Variants in NT5DC3 observed in about 807,000 individuals in gnomAD.
The protein encoded by NT5DC3 is 5'-nucleotidase domain-containing protein 3.
A neutral mutation model predicts 67.8 loss-of-function variants in NT5DC3; 42 were observed. The observed-to-expected ratio is 0.62, with a 90% confidence interval of 0.48 to 0.80. The LOEUF is 0.80. NT5DC3 is among the 30% of genes least tolerant of loss of function. NT5DC3 has a pLI of 0.00. For missense variants in NT5DC3, 570 were observed against 696.4 expected (o/e 0.82, Z 2.04); for synonymous variants, 237 against 255.6 (o/e 0.93, Z 0.69).
At chr12:103,798,507 T>A (rs1593403229) in intron 5 of NT5DC3, 80 bp downstream of exon 5, 2 of 922,078 alleles carry the variant, frequency 2.2e-6, no homozygotes, top group Non-Finnish European at 3.5e-6. Context: ...CAATTCCATA[T>A]AAGCAGTAGG....
At chr12:103,780,179 C>G in intron 13 of NT5DC3, 121 bp downstream of exon 13, 1 of 827,602 alleles carries the variant, frequency 1.2e-6, no homozygotes, top group Non-Finnish European at 2.1e-6. Flanking sequence ...GCAGACATAC[C>G]TGGGAGCTAA....
At chr12:103,836,840 G>A (rs1034660113) in intron 1 of NT5DC3, among the ~76,000 whole-genome samples, 3 of 152,166 alleles carry the variant, frequency 2.0e-5, no homozygotes, top group East Asian at 1.9e-4. Flanking sequence ...GGTGGGCGTC[G>A]AATGTCTGTC....
chr12:103,764,195 C>G, the NT5DC3 span, among the ~76,000 whole-genome samples: 2 of 152,068 alleles, frequency 1.3e-5, no homozygotes, highest in Admixed American at 6.5e-5. Context: ...TCAGGTGATA[C>G]GCCCACCTCG....
Position 103,777,804 on chromosome 12 carries a change from T to C in NT5DC3, c.*25A>G. 6.3e-7 allele frequency: 1 copy of C among 1,595,058 alleles called. No individual in the cohort carries two copies. Among genetic ancestry groups the C allele is most frequent in the East Asian group, 2.2e-5 (1 of 44,688 alleles). On this transcript the variant is annotated 3_prime_UTR_variant, in exon 14 of 14. Coordinates refer to ENST00000392876, the MANE Select transcript of NT5DC3 (RefSeq NM_001031701.3). ...TCATGCCTGCCCAATCAGGGGCAGT[T>C]ACAGTTTCTAGTTTTTGCCCTTGGC...
At chr12:103,767,663 A>G (rs1273346145), downstream of NT5DC3, among the ~76,000 whole-genome samples, 1 of 152,106 alleles carries the variant, frequency 6.6e-6, no homozygotes, top group Non-Finnish European at 1.5e-5. Context: ...CTGCCAAAGA[A>G]TGTTGAAGAT....
chr12:103,808,670 A>G (rs115223841), intron 2 of NT5DC3, among the ~76,000 whole-genome samples: 187 of 152,330 alleles, frequency 1.2e-3, no homozygotes, highest in African/African-American at 4.4e-3. Context: ...AAGAATTGAG[A>G]ACCCTGTGTA....
downstream of NT5DC3, chr12:103,766,183 G>T: frequency 6.8e-7 from 1 of 1,461,194 alleles, no homozygotes; most frequent in Non-Finnish European, 9.6e-7. Context: ...CGTGTTCACA[G>T]TGCTCAGGGA....
chr12:103,804,402 C>T (rs564373676), intron 4 of NT5DC3, among the ~76,000 whole-genome samples: 3 of 152,236 alleles, frequency 2.0e-5, no homozygotes, highest in East Asian at 3.9e-4. Flanking sequence ...CACAAGGAGG[C>T]ACCAGGAGGC....
downstream of NT5DC3, chr12:103,766,134 A>C (rs752094209): frequency 4.7e-6 from 5 of 1,065,830 alleles, no homozygotes; most frequent in South Asian, 6.7e-5. Flanking sequence ...CTGCCTCCCA[A>C]CACAAGGCAG....
Position 103,777,802 on chromosome 12 carries a change from G to A in NT5DC3, c.*27C>T, listed in dbSNP as rs950363433. 2 of 1,593,622 alleles carry A rather than the reference G, an allele frequency of 1.3e-6. No individual in the cohort carries two copies. Among genetic ancestry groups the A allele is most frequent in the Admixed American group, 3.5e-5 (2 of 57,242 alleles). ...CATCATGCCTGCCCAATCAGGGGCA[G>A]TTACAGTTTCTAGTTTTTGCCCTTG... On this transcript the variant is annotated 3_prime_UTR_variant, in exon 14 of 14. Transcript: ENST00000392876.
At chr12:103,764,645 C>T in the NT5DC3 span, among the ~76,000 whole-genome samples, 1 of 151,648 alleles carries the variant, frequency 6.6e-6, no homozygotes, top group Non-Finnish European at 1.5e-5. Flanking sequence ...TATAGTGTAA[C>T]AGATATTATT....
At chr12:103,809,053 G>C (rs539375946) in intron 2 of NT5DC3, among the ~76,000 whole-genome samples, 1 of 152,322 alleles carries the variant, frequency 6.6e-6, no homozygotes, top group East Asian at 1.9e-4. Flanking sequence ...GGTTGAGCCA[G>C]TATTTGAACC....
chr12:103,778,712 C>T (rs1051582684), intron 13 of NT5DC3, among the ~76,000 whole-genome samples: 2 of 149,446 alleles, frequency 1.3e-5, no homozygotes, highest in African/African-American at 4.9e-5. Flanking sequence ...AGGCTGAAGT[C>T]GGAGAATCAC....
chr12:103,803,074 T>C (rs915649757), intron 4 of NT5DC3, among the ~76,000 whole-genome samples: 1 of 152,044 alleles, frequency 6.6e-6, no homozygotes, highest in Non-Finnish European at 1.5e-5. Context: ...GAAACAGAGA[T>C]GGAGAGACAG....
chr12:103,798,369 T>C (rs765984817), intron 5 of NT5DC3, among the ~76,000 whole-genome samples: 9 of 152,088 alleles, frequency 5.9e-5, no homozygotes, highest in Non-Finnish European at 1.2e-4. Flanking sequence ...GGGGTAGGTA[T>C]GTGGGAGGTG....
At chr12:103,796,546 C>T (rs1249881501) in intron 6 of NT5DC3, among the ~76,000 whole-genome samples, 1 of 152,184 alleles carries the variant, frequency 6.6e-6, no homozygotes. Context: ...AAGAGGCACC[C>T]TTGCTCGGGC....
intron 1 of NT5DC3, among the ~76,000 whole-genome samples, chr12:103,840,389 TC>T (rs1888340736): frequency 7.6e-6 from 1 of 131,854 alleles, no homozygotes; most frequent in East Asian, 2.2e-4. Flanking sequence ...TCATCTCATC[TC>T]ATCTCATCTC....
chr12:103,796,875 C>T lies in NT5DC3; in HGVS notation c.753+19G>A. 1 of 1,613,902 alleles carries T rather than the reference C, an allele frequency of 6.2e-7. No individual in the cohort carries two copies. Among genetic ancestry groups the T allele is most frequent in the Non-Finnish European group, 8.5e-7 (1 of 1,179,784 alleles). ...GCTGAAACAGACTCAGCACTGTAAT[C>T]TCTCACTGTGGATACAACCTTGACA... On this transcript the variant is annotated intron_variant, in intron 6 of 13. Coordinates refer to ENST00000392876, the MANE Select transcript of NT5DC3 (RefSeq NM_001031701.3).
chr12:103,822,300 G>C (rs1368656511), intron 1 of NT5DC3, among the ~76,000 whole-genome samples: 2 of 152,016 alleles, frequency 1.3e-5, no homozygotes, highest in Non-Finnish European at 2.9e-5. Context: ...GGGGAAAGAG[G>C]TGAGTATATT....
Sources: allele counts gnomAD v4.1 joint callset (sites outside exome capture counted in the v4.1 genomes callset), GRCh38; gene constraint gnomAD v4.1.1; transcripts MANE v1.5; gene names NCBI Gene and HGNC (gene_info 2026-07-23, HGNC 2026-07-21).